Variants in PACRG observed in about 807,000 individuals in gnomAD.
The protein encoded by PACRG is parkin coregulated gene protein.
PACRG carries 29 observed loss-of-function variants against 29.7 expected under a neutral mutation model. That is an observed-to-expected ratio of 0.98 (90% CI 0.73 to 1.33). The LOEUF (loss-of-function observed/expected upper bound fraction) is 1.33. Among genes scored for constraint, PACRG ranks in the 40% most tolerant of loss-of-function variants. The pLI is 0.00. For missense variants in PACRG, 279 were observed against 316.2 expected, an observed-to-expected ratio of 0.88 and a Z score of 0.89; for synonymous variants, 116 against 118.7, an observed-to-expected ratio of 0.98 and a Z score of 0.15.
At chr6:163,100,174 C>T (rs994499736) in intron 4 of PACRG, among the ~76,000 whole-genome samples, 1 of 152,098 alleles carries the variant, frequency 6.6e-6, no homozygotes, top group Non-Finnish European at 1.5e-5. Flanking sequence ...GCCTCCCCTG[C>T]AGGGACCTGT....
rs1364203819 is a variant in PACRG at position 163,062,230 on chromosome 6, G to GT, written c.378dup (p.Ala127CysfsTer54). 6.2e-7 allele frequency: 1 copy of GT among 1,614,112 alleles called. No homozygotes were observed. Among genetic ancestry groups the GT allele is most frequent in the East Asian group, 2.2e-5 (1 of 44,878 alleles). Reference sequence around the variant, plus strand: ...TTTGTGAAATGACATTTCCCTATGAGTTTTTTGCTCGGCAAGGAATCCACG... The same window carrying GT: ...TTTGTGAAATGACATTTCCCTATGAGTTTTTTTGCTCGGCAAGGAATCCACG... On this transcript the variant is annotated frameshift_variant, in exon 3 of 5. Transcript: ENST00000366888. LOFTEE classifies it high-confidence loss of function.
At chr6:162,751,958 T>C (rs1278824744) in intron 1 of PACRG, among the ~76,000 whole-genome samples, 1 of 152,198 alleles carries the variant, frequency 6.6e-6, no homozygotes, top group Non-Finnish European at 1.5e-5. Context: ...TGTTTCTATG[T>C]TGAACTATAA....
intron 2 of PACRG, among the ~76,000 whole-genome samples, chr6:163,040,982 G>C (rs970991085): frequency 4.6e-5 from 7 of 152,120 alleles, no homozygotes; most frequent in Non-Finnish European, 7.4e-5. Context: ...TTTGGGAGGG[G>C]CCGGGGCAGA....
At chr6:162,874,267 T>C (rs1406494682) in intron 2 of PACRG, among the ~76,000 whole-genome samples, 1 of 151,980 alleles carries the variant, frequency 6.6e-6, no homozygotes, top group African/African-American at 2.4e-5. Context: ...TAAAGAACTT[T>C]TATTAATAAG....
At chr6:162,946,082 T>C (rs530857980) in intron 2 of PACRG, among the ~76,000 whole-genome samples, 3 of 152,020 alleles carry the variant, frequency 2.0e-5, no homozygotes, top group African/African-American at 7.2e-5. Flanking sequence ...AACAATCTAA[T>C]GATGTATCTC....
intron 4 of PACRG, among the ~76,000 whole-genome samples, chr6:163,296,420 G>A (rs529998047): frequency 3.3e-5 from 5 of 152,070 alleles, no homozygotes; most frequent in East Asian, 3.9e-4. Context: ...TCAGCCTCCC[G>A]AGTAGCTGGG....
chr6:162,951,833 G>T (rs934893528), intron 2 of PACRG, among the ~76,000 whole-genome samples: 1 of 152,064 alleles, frequency 6.6e-6, no homozygotes, highest in Non-Finnish European at 1.5e-5. Flanking sequence ...TTTTGCTCTC[G>T]TTGTAGTCTT....
At chr6:163,307,305 C>A (rs951287634) in intron 4 of PACRG, among the ~76,000 whole-genome samples, 2 of 152,092 alleles carry the variant, frequency 1.3e-5, no homozygotes, top group African/African-American at 4.8e-5. Flanking sequence ...ACCCAGCCTT[C>A]GGTGTCAAGA....
chr6:162,838,664 C>T (rs921960410), intron 2 of PACRG, among the ~76,000 whole-genome samples: 2 of 151,764 alleles, frequency 1.3e-5, no homozygotes, highest in Non-Finnish European at 2.9e-5. Flanking sequence ...CATATGTATA[C>T]ATATGCCATG....
intron 4 of PACRG, among the ~76,000 whole-genome samples, chr6:163,294,528 G>C (rs1784723549): frequency 6.6e-6 from 1 of 152,096 alleles, no homozygotes; most frequent in Non-Finnish European, 1.5e-5. Context: ...AGAACCGTTG[G>C]ACAAAATTTG....
intron 1 of PACRG, among the ~76,000 whole-genome samples, chr6:162,756,639 C>CATTTA (rs894358801): frequency 6.6e-6 from 1 of 152,018 alleles, no homozygotes; most frequent in African/African-American, 2.4e-5. Flanking sequence ...AATCCATTTA[C>CATTTA]ATTTAAGGTA....
chr6:163,040,772 A>G (rs1221313281), intron 2 of PACRG, among the ~76,000 whole-genome samples: 1 of 152,188 alleles, frequency 6.6e-6, no homozygotes, highest in African/African-American at 2.4e-5. Context: ...GGGAACATTT[A>G]CCCAATGCCT....
chr6:163,186,425 G>A (rs867345050), intron 4 of PACRG, among the ~76,000 whole-genome samples: 1 of 151,532 alleles, frequency 6.6e-6, no homozygotes, highest in Non-Finnish European at 1.5e-5. Flanking sequence ...ACACACACAC[G>A]CAGACACAGA....
At chr6:163,103,267 G>T (rs1815198904) in intron 4 of PACRG, among the ~76,000 whole-genome samples, 1 of 152,156 alleles carries the variant, frequency 6.6e-6, no homozygotes, top group South Asian at 2.1e-4. Context: ...ATGGTTGCAG[G>T]ACTGAGGTCT....
At chr6:162,841,366 A>T (rs1274831990) in intron 2 of PACRG, among the ~76,000 whole-genome samples, 8 of 150,754 alleles carry the variant, frequency 5.3e-5, no homozygotes, top group South Asian at 2.1e-4. Context: ...CTTCTAGATT[A>T]TCTAGTTTAT....
chr6:162,874,915 ACATT>A (rs1793168359), intron 2 of PACRG, among the ~76,000 whole-genome samples: 1 of 152,088 alleles, frequency 6.6e-6, no homozygotes, highest in African/African-American at 2.4e-5. Flanking sequence ...ACACAGTTAC[ACATT>A]CATATACACA....
At chr6:162,754,625 T>TA (rs1562564248) in intron 1 of PACRG, among the ~76,000 whole-genome samples, 2 of 152,144 alleles carry the variant, frequency 1.3e-5, no homozygotes, top group South Asian at 2.1e-4. Context: ...TTTTTTTTTT[T>TA]ATCTCTTTTG....
intron 2 of PACRG, among the ~76,000 whole-genome samples, chr6:162,989,189 C>T (rs1022135894): frequency 6.6e-6 from 1 of 152,256 alleles, no homozygotes; most frequent in South Asian, 2.1e-4. Context: ...GCAAAAAGGA[C>T]ACTACAGCTC....
At chr6:162,784,831 G>A (rs1001478464) in intron 1 of PACRG, among the ~76,000 whole-genome samples, 1 of 152,168 alleles carries the variant, frequency 6.6e-6, no homozygotes, top group Non-Finnish European at 1.5e-5. Flanking sequence ...TACTCTTGGT[G>A]CTTTCAGCAA....
Sources: gnomAD v4.1 joint callset for allele counts (sites outside exome capture counted in the v4.1 genomes callset) on GRCh38, gnomAD v4.1.1 for gene constraint, MANE v1.5 for transcripts, NCBI Gene and HGNC (gene_info 2026-07-23, HGNC 2026-07-21) for gene names.